The following GAPVD1 variants were observed in gnomAD, a reference collection of about 807,000 sequenced individuals.
GAPVD1 encodes the protein GTPase activating protein and VPS9 domains 1.
In GAPVD1, 35 loss-of-function variants were observed where a neutral mutation model predicts 155.5. The observed-to-expected ratio is 0.23, with a 90% confidence interval of 0.17 to 0.30. GAPVD1 has a LOEUF of 0.30. Ranked by LOEUF, GAPVD1 falls within the 10% of genes least tolerant of loss-of-function variation. The pLI is 1.00. For missense variants in GAPVD1, 1,429 were observed against 1,775.7 expected (o/e 0.80, Z 3.51); for synonymous variants, 636 against 619.7 (o/e 1.03, Z -0.39).
At chr9:125,271,446 G>A (rs888550587) in intron 2 of GAPVD1, among the ~76,000 whole-genome samples, 4 of 152,086 alleles carry the variant, frequency 2.6e-5, no homozygotes, top group Non-Finnish European at 5.9e-5. Context: ...ATTAGTCAAG[G>A]CATATTAGTC....
intron 9 of GAPVD1, among the ~76,000 whole-genome samples, chr9:125,316,115 C>A (rs567977575): frequency 6.6e-6 from 1 of 152,304 alleles, no homozygotes; most frequent in Admixed American, 6.5e-5. Flanking sequence ...ATAGTCACTA[C>A]AACAAGCAGC....
At chr9:125,313,928 A>G (rs1843013696) in intron 9 of GAPVD1, among the ~76,000 whole-genome samples, 1 of 152,210 alleles carries the variant, frequency 6.6e-6, no homozygotes, top group South Asian at 2.1e-4. Flanking sequence ...ATTCTTTGTT[A>G]TCTTCAGTGG....
intron 8 of GAPVD1, chr9:125,309,781 G>A (rs1208791416): frequency 4.7e-6 from 1 of 211,454 alleles, no homozygotes; most frequent in Non-Finnish European, 1.1e-5. Flanking sequence ...TTAAATATGA[G>A]TCTGATGGAA....
At chr9:125,353,457 GC>G (rs1466351460) in intron 23 of GAPVD1, among the ~76,000 whole-genome samples, 1 of 152,024 alleles carries the variant, frequency 6.6e-6, no homozygotes. Flanking sequence ...TCCATCCTCT[GC>G]CTGTTACCCA....
rs561499417 is a variant in GAPVD1, at chr9:125,265,227, C to A, written c.-199+3268C>A. On this transcript the variant is annotated intron_variant, in intron 1 of 27. Coordinates refer to ENST00000297933, the MANE Select transcript of GAPVD1 (RefSeq NM_001282680.3). ...GTTCTTTTACCTTTTACTGTGTGAT[C>A]CTAGGTTGTTTTATTTCTCTTCATT... Among the ~76,000 whole-genome samples, 3 of 152,030 alleles carry A rather than the reference C, an allele frequency of 2.0e-5. No homozygotes were observed. The East Asian group carries it at 5.8e-4, about 29-fold the overall frequency.
intron 1 of GAPVD1, 123 bp downstream of exon 1, chr9:125,262,082 G>A (rs2076977008): frequency 1.3e-5 from 2 of 152,406 alleles, no homozygotes; most frequent in Admixed American, 6.5e-5. Context: ...AACTGACCCC[G>A]GGGTCCTGGG....
At position 125,349,373 on chromosome 9, in the gene GAPVD1, G is replaced by T. The variant is rs1441455171; in HGVS notation, c.3170-17G>T. 6.2e-7 allele frequency: 1 copy of T among 1,605,492 alleles called. No homozygotes were observed. Among genetic ancestry groups the T allele is most frequent in the Non-Finnish European group, 8.5e-7 (1 of 1,173,690 alleles). On this transcript the variant is annotated splice_polypyrimidine_tract_variant and intron_variant, in intron 20 of 27. Coordinates refer to ENST00000297933, the MANE Select transcript of GAPVD1 (RefSeq NM_001282680.3). The stretch of plus-strand genomic sequence containing the variant: ...ATGAACCTGGGTATCCGTTTCTTGG[G>T]GGTGGGTTTTGTTTAGAGGTTATGG...
Position 125,355,779 on chromosome 9 carries a change from C to T in GAPVD1, c.3893C>T (p.Ala1298Val). 1 of 1,612,738 alleles carries T rather than the reference C, an allele frequency of 6.2e-7. No individual in the cohort carries two copies. The highest frequency in any genetic ancestry group is 1.1e-5 in the South Asian group (1 of 91,048). Reference protein sequence around the residue: ...SEEQLQDAQLAIERSVMNRIF... With the variant: ...SEEQLQDAQLVIERSVMNRIF... ...GAACAGCTTCAAGATGCACAGCTGG[C>T]CATTGAGCGAAGCGTGATGAACCGG... Residue 1298 changes from alanine to valine, a missense_variant, in exon 25 of 28, where the codon GCC becomes GTC. By Grantham distance (64) the Ala-to-Val change is moderately conservative. Transcript: ENST00000297933.
At chr9:125,319,251 G>A (rs1378447047) in intron 9 of GAPVD1, among the ~76,000 whole-genome samples, 1 of 151,916 alleles carries the variant, frequency 6.6e-6, no homozygotes, top group South Asian at 2.1e-4. Context: ...GTGTGTACCT[G>A]TAGTCCCAGC....
At chr9:125,275,641 C>T (rs910215098) in intron 2 of GAPVD1, among the ~76,000 whole-genome samples, 21 of 152,046 alleles carry the variant, frequency 1.4e-4, no homozygotes, top group Non-Finnish European at 1.8e-4. Context: ...CCCAGCTGCT[C>T]GGTGGGAGGC....
At chr9:125,342,127 C>G in intron 18 of GAPVD1, 92 bp from the exon 19 acceptor site, 2 of 669,312 alleles carry the variant, frequency 3.0e-6, no homozygotes, top group Non-Finnish European at 5.4e-6. Flanking sequence ...AACTTTTCAG[C>G]CTCCTTTCAC....
intron 2 of GAPVD1, among the ~76,000 whole-genome samples, chr9:125,282,264 C>T (rs778978915): frequency 1.1e-4 from 17 of 152,064 alleles, no homozygotes; most frequent in African/African-American, 3.1e-4. Context: ...GGCAACAGAG[C>T]GAGACTCCGT....
intron 6 of GAPVD1, among the ~76,000 whole-genome samples, chr9:125,305,967 T>A (rs1841731278): frequency 1.3e-5 from 2 of 152,108 alleles, no homozygotes; most frequent in South Asian, 4.1e-4. Context: ...ATTGTTTAAT[T>A]TTAAGTGTAG....
At position 125,293,873 on chromosome 9, in the gene GAPVD1, TATATATATATA is replaced by T. The variant is rs1245710302; in HGVS notation, c.-149-1584_-149-1574del. Among the ~76,000 whole-genome samples, 99 of 14,316 alleles carry T rather than the reference TATATATATATA, an allele frequency of 6.9e-3. 7 individuals are homozygous for T. In the South Asian group the frequency reaches 0.098, roughly 14 times the overall value. The allele number at this position is 14,316 out of a possible 152,430, so 9.4% of individuals were successfully genotyped here. A position where few individuals can be genotyped will look rare whatever the true frequency, so the allele number is the denominator to read the frequency against. On this transcript the variant is annotated intron_variant, in intron 2 of 27. Coordinates refer to ENST00000297933, the MANE Select transcript of GAPVD1 (RefSeq NM_001282680.3). ...TATTTTATATATATATATATATATA[TATATATATATA>T]TATATATATATATATATATAAGTTT... is the stretch of plus-strand genomic sequence containing the variant.
intron 10 of GAPVD1, 107 bp from the exon 11 acceptor site, chr9:125,323,691 T>C: frequency 9.2e-7 from 1 of 1,086,078 alleles, no homozygotes. Context: ...ATAAAAAGTA[T>C]TAAAAACACT....
intron 2 of GAPVD1, among the ~76,000 whole-genome samples, chr9:125,292,245 C>T (rs2132519614): frequency 6.6e-6 from 1 of 152,136 alleles, no homozygotes; most frequent in South Asian, 2.1e-4. Flanking sequence ...GCAAACAAAA[C>T]AAAACCATAA....
Position 125,345,618 on chromosome 9 carries a change from C to T in GAPVD1, c.3047-1201C>T, listed in dbSNP as rs554717675. 3.3e-5 allele frequency among the ~76,000 whole-genome samples: 5 copies of T among 152,300 alleles called. No homozygotes were observed. In the South Asian group the frequency reaches 1.0e-3, roughly 32 times the overall value. Reference sequence around the variant, plus strand: ...AGACATGAATACCATGTGTTTGTTTCATGAGAACAAAAGAAGAGCCGATGA... The same window carrying T: ...AGACATGAATACCATGTGTTTGTTTTATGAGAACAAAAGAAGAGCCGATGA... On this transcript the variant is annotated intron_variant, in intron 19 of 27. Coordinates refer to ENST00000297933, the MANE Select transcript of GAPVD1 (RefSeq NM_001282680.3).
At position 125,337,106 on chromosome 9, in the gene GAPVD1, G is replaced by A. The variant is rs1847144768; in HGVS notation, c.2506+11G>A. 6.2e-7 allele frequency: 1 copy of A among 1,607,790 alleles called. No homozygotes were observed. The highest frequency in any genetic ancestry group is 8.5e-7 in the Non-Finnish European group (1 of 1,174,312). On this transcript the variant is annotated intron_variant, in intron 16 of 27. Coordinates refer to ENST00000297933, the MANE Select transcript of GAPVD1 (RefSeq NM_001282680.3). ...TGTCTTCACATGAAGGTAAACCAGT[G>A]AAATGAACTTTTTCACTTATGTCAC... is the stretch of plus-strand genomic sequence containing the variant.
intron 2 of GAPVD1, among the ~76,000 whole-genome samples, chr9:125,280,488 G>T (rs1227913760): frequency 6.6e-6 from 1 of 151,372 alleles, no homozygotes; most frequent in East Asian, 1.9e-4. Context: ...TGAAATGTGT[G>T]GTAGTTATTA....
Sources: allele counts gnomAD v4.1 joint callset (sites outside exome capture counted in the v4.1 genomes callset), GRCh38; gene constraint gnomAD v4.1.1; transcripts MANE v1.5; gene names NCBI Gene and HGNC (gene_info 2026-07-23, HGNC 2026-07-21).